Variants in TENM3 observed in about 807,000 individuals in gnomAD.
The protein encoded by TENM3 is teneurin-3.
A neutral mutation model predicts 255.1 loss-of-function variants in TENM3; 63 were observed. The observed-to-expected ratio is 0.25, with a 90% confidence interval of 0.20 to 0.30. The LOEUF (loss-of-function observed/expected upper bound fraction) is 0.30. Among genes scored for constraint, TENM3 ranks in the 10% least tolerant of loss-of-function variants. The pLI is 1.00. For missense variants in TENM3, 2,929 were observed against 3,461.1 expected, an observed-to-expected ratio of 0.85 and a Z score of 3.86; for synonymous variants, 1,306 against 1,322.3, an observed-to-expected ratio of 0.99 and a Z score of 0.27.
At chr4:182,650,889 A>AATATATATATATATAT (rs1157725899) in intron 5 of TENM3, among the ~76,000 whole-genome samples, 2 of 29,766 alleles carry the variant, frequency 6.7e-5, no homozygotes, top group East Asian at 7.8e-4. Flanking sequence ...AATAAAAAAA[A>AATATATATATATATAT]ATATATATAT....
chr4:182,546,496 C>A (rs1472596488), intron 3 of TENM3, among the ~76,000 whole-genome samples: 1 of 151,896 alleles, frequency 6.6e-6, no homozygotes, highest in Non-Finnish European at 1.5e-5. Flanking sequence ...GAGTTTGTGG[C>A]ACAATTATGG....
intron 1 of TENM3, among the ~76,000 whole-genome samples, chr4:182,194,535 C>T (rs565418849): frequency 2.0e-5 from 3 of 152,326 alleles, no homozygotes; most frequent in African/African-American, 7.2e-5. Context: ...CCTCAATATG[C>T]ACTCCTTGGC....
the TENM3 span, among the ~76,000 whole-genome samples, chr4:181,655,303 A>G: frequency 4.9e-4 from 74 of 152,364 alleles, no homozygotes; most frequent in African/African-American, 1.7e-3. Flanking sequence ...GGCTCACTAG[A>G]GAGATGATAG....
At chr4:181,645,947 C>G in the TENM3 span, among the ~76,000 whole-genome samples, 1 of 152,198 alleles carries the variant, frequency 6.6e-6, no homozygotes, top group African/African-American at 2.4e-5. Flanking sequence ...AGAAAGTTGG[C>G]CTGGGTGCTG....
intron 22 of TENM3, among the ~76,000 whole-genome samples, chr4:182,772,130 T>C (rs1764285051): frequency 6.6e-6 from 1 of 152,206 alleles, no homozygotes; most frequent in African/African-American, 2.4e-5. Flanking sequence ...CTTCTCTGTC[T>C]TTATCACCTA....
At chr4:182,299,070 G>C (rs1761689393) in intron 1 of TENM3, among the ~76,000 whole-genome samples, 1 of 145,394 alleles carries the variant, frequency 6.9e-6, no homozygotes, top group Admixed American at 7.1e-5. Flanking sequence ...CAGTCACTCA[G>C]AGGTAGGAGA....
the TENM3 span, among the ~76,000 whole-genome samples, chr4:182,040,644 T>G: frequency 2.8e-4 from 43 of 152,142 alleles, no homozygotes; most frequent in Admixed American, 2.2e-3. Context: ...AGTCACCAAT[T>G]TCGTTCATGC....
At chr4:182,017,427 G>A in the TENM3 span, among the ~76,000 whole-genome samples, 1 of 152,220 alleles carries the variant, frequency 6.6e-6, no homozygotes, top group Non-Finnish European at 1.5e-5. Flanking sequence ...TAGTCATTAA[G>A]ATTAAAGTTG....
intron 3 of TENM3, among the ~76,000 whole-genome samples, chr4:182,355,423 A>G (rs545723045): frequency 6.6e-6 from 1 of 152,280 alleles, no homozygotes; most frequent in East Asian, 1.9e-4. Flanking sequence ...TTTCCGTTTT[A>G]CAGAGTACCC....
chr4:182,387,328 T>C (rs1580375750), intron 3 of TENM3, among the ~76,000 whole-genome samples: 1 of 152,168 alleles, frequency 6.6e-6, no homozygotes, highest in Admixed American at 6.5e-5. Context: ...CTGTGTGTCC[T>C]TGGAGAACCT....
Position 182,800,017 on chromosome 4 carries a change from G to A in TENM3, c.7766G>A (p.Arg2589Lys). The A allele has an allele frequency of 2.5e-6, 4 of 1,594,920 alleles. No individual in the cohort carries two copies. Among genetic ancestry groups the A allele is most frequent in the Non-Finnish European group, 3.4e-6 (4 of 1,171,832 alleles). The change falls in exon 28 of 28, where the codon AGG becomes AAG. Residue 2589 changes from arginine (R) to lysine (K), a missense_variant. Physicochemically the swap from Arg to Lys is conservative, Grantham distance 26. Around this residue, in one of 6 missense-constraint regions of TENM3, gnomAD observed 476 missense variants for 480.1 expected, o/e 0.99. Transcript: ENST00000511685. ...CAGTCCACCACGGTGGTGAACGGCA[G>A]GACGCGCAGGTTCGCGGACGTGGAG... ...VSQSTTVVNG[R>K]TRRFADVEMQ...
At chr4:182,654,428 GTAGT>G (rs761107630) in intron 6 of TENM3, among the ~76,000 whole-genome samples, 3 of 152,148 alleles carry the variant, frequency 2.0e-5, no homozygotes, top group Non-Finnish European at 4.4e-5. Context: ...TGGAATTTAA[GTAGT>G]TAGAGAATTC....
chr4:181,705,503 T>C, the TENM3 span, among the ~76,000 whole-genome samples: 6 of 152,236 alleles, frequency 3.9e-5, no homozygotes, highest in African/African-American at 1.4e-4. Context: ...AAATGACTTA[T>C]GTGTTTTCAT....
chr4:182,661,833 G>A lies in TENM3; in HGVS notation c.1111+7940G>A, dbSNP rs143227245. ...TTATCATTTACCTTCCGCAACAATT[G>A]CAGTTAGACTTTGACAGTGAATTTC... On this transcript the variant is annotated intron_variant, in intron 6 of 27. Transcript: ENST00000511685. 3.6e-3 allele frequency among the ~76,000 whole-genome samples: 550 copies of A among 152,234 alleles called. 1 individual carries two copies. Among genetic ancestry groups the A allele is most frequent in the Non-Finnish European group, 5.9e-3 (404 of 68,018 alleles).
At position 182,729,043 on chromosome 4, in the gene TENM3, C is replaced by G. The variant is rs377378678; in HGVS notation, c.2447C>G (p.Pro816Arg). The change falls in exon 14 of 28, where the codon CCG becomes CGG. Residue 816 changes from proline (P) to arginine (R), a missense_variant. Around this residue, in one of 6 missense-constraint regions of TENM3, gnomAD observed 1,608 missense variants for 1,884.4 expected, o/e 0.85. Transcript: ENST00000511685. Reference protein sequence around the residue: ...CQNQPYCRGLPDPQDIISQSL... With the variant: ...CQNQPYCRGLRDPQDIISQSL... Reference sequence around the variant, plus strand: ...AATCAGCCCTATTGTCGGGGACTGCCGGATCCTCAGGACATCATTAGCCAA... The same window carrying G: ...AATCAGCCCTATTGTCGGGGACTGCGGGATCCTCAGGACATCATTAGCCAA... The G allele has an allele frequency of 6.2e-7, 1 of 1,613,968 alleles. No homozygotes were observed.
chr4:181,783,418 C>T, the TENM3 span, among the ~76,000 whole-genome samples: 3 of 152,104 alleles, frequency 2.0e-5, no homozygotes, highest in Non-Finnish European at 4.4e-5. Flanking sequence ...CAATACCTCA[C>T]CATTCTATTT....
At chr4:181,484,809 A>G in the TENM3 span, among the ~76,000 whole-genome samples, 2 of 152,186 alleles carry the variant, frequency 1.3e-5, no homozygotes, top group East Asian at 3.9e-4. Context: ...GCGGTAATGA[A>G]AGTAATTTCC....
intron 3 of TENM3, among the ~76,000 whole-genome samples, chr4:182,373,357 A>G (rs953250794): frequency 6.6e-6 from 1 of 152,178 alleles, no homozygotes; most frequent in African/African-American, 2.4e-5. Flanking sequence ...GAGGCTGGGT[A>G]ATTTATAACG....
At chr4:182,510,091 G>A (rs1737237312) in intron 3 of TENM3, among the ~76,000 whole-genome samples, 2 of 152,108 alleles carry the variant, frequency 1.3e-5, no homozygotes, top group Non-Finnish European at 1.5e-5. Flanking sequence ...GCCAAATACT[G>A]TAAGATTAAA....
Sources: gnomAD v4.1 joint callset for allele counts (sites outside exome capture counted in the v4.1 genomes callset) on GRCh38, gnomAD v4.1.1 for gene constraint, gnomAD v4.1.1 regional missense constraint, MANE v1.5 for transcripts, NCBI Gene and HGNC (gene_info 2026-07-23, HGNC 2026-07-21) for gene names.